The following DIP2A variants were observed in gnomAD, a reference collection of about 807,000 sequenced individuals.
DIP2A encodes the protein disco-interacting protein 2 homolog A.
A neutral mutation model predicts 177.4 loss-of-function variants in DIP2A; 85 were observed. The observed-to-expected ratio is 0.48, with a 90% confidence interval of 0.40 to 0.57. The LOEUF (loss-of-function observed/expected upper bound fraction) is 0.57, where lower values mean the gene tolerates loss of function less well. Among genes scored for constraint, DIP2A ranks in the 20% least tolerant of loss-of-function variants. The pLI, the probability that DIP2A is intolerant of heterozygous loss-of-function variation, is 0.00. For missense variants in DIP2A, 1,791 were observed against 2,100.2 expected, an observed-to-expected ratio of 0.85 and a Z score of 2.88; for synonymous variants, 886 against 881.8, an observed-to-expected ratio of 1.00 and a Z score of -0.08.
intron 23 of DIP2A, 71 bp downstream of exon 23, chr21:46,550,815 C>A: frequency 6.7e-7 from 1 of 1,503,658 alleles, no homozygotes; most frequent in South Asian, 1.2e-5. Flanking sequence ...GGTTAGGGTG[C>A]GGCCCTGCTA....
At chr21:46,508,017 G>A (rs958005033) in intron 6 of DIP2A, among the ~76,000 whole-genome samples, 1 of 150,840 alleles carries the variant, frequency 6.6e-6, no homozygotes, top group African/African-American at 2.4e-5. Context: ...GGATTACAGG[G>A]GTGAGCCACT....
Position 46,498,156 on chromosome 21 carries a change from T to C in DIP2A, c.404-426T>C, listed in dbSNP as rs1289752031. Among the ~76,000 whole-genome samples the C allele has an allele frequency of 6.6e-6, 1 of 152,196 alleles. No individual in the cohort carries two copies. The highest frequency in any genetic ancestry group is 1.5e-5 in the Non-Finnish European group (1 of 68,034). The stretch of plus-strand genomic sequence containing the variant: ...CAGGCCAGGATGCCTTCTCACTGCC[T>C]CCAAGATGTAGGGCCGGGCACAGGC... On this transcript the variant is annotated intron_variant, in intron 4 of 37. Transcript: ENST00000417564. The surrounding 1 kb of genome is among the most constrained non-coding windows in gnomAD (Gnocchi z 4.3).
intron 2 of DIP2A, among the ~76,000 whole-genome samples, chr21:46,487,758 AAGAC>A (rs2056778166): frequency 1.3e-5 from 2 of 152,242 alleles, no homozygotes; most frequent in Non-Finnish European, 2.9e-5. Context: ...TTTGGTAAGA[AAGAC>A]AGAACCTACG....
chr21:46,577,272 T>C, the DIP2A span, among the ~76,000 whole-genome samples: 1 of 152,220 alleles, frequency 6.6e-6, no homozygotes, highest in African/African-American at 2.4e-5. Context: ...GGGTTCTACA[T>C]TTAAGTCTTT....
chr21:46,520,065 G>A (rs187500080), intron 8 of DIP2A, among the ~76,000 whole-genome samples: 5 of 151,464 alleles, frequency 3.3e-5, no homozygotes, highest in South Asian at 4.2e-4. Flanking sequence ...TAGTAGAGAC[G>A]GGGTTTCACC....
intron 8 of DIP2A, among the ~76,000 whole-genome samples, chr21:46,519,261 A>C (rs2058715314): frequency 6.6e-6 from 1 of 152,158 alleles, no homozygotes; most frequent in Admixed American, 6.5e-5. Context: ...ATGCTGTTTT[A>C]TCAGTAAGGT....
intron 8 of DIP2A, among the ~76,000 whole-genome samples, chr21:46,523,356 T>A (rs1249212033): frequency 6.6e-6 from 1 of 151,000 alleles, no homozygotes; most frequent in African/African-American, 2.4e-5. Context: ...TGCCTCAACC[T>A]CCTGAGTAGC....
rs374294871 is a variant in DIP2A, at chr21:46,556,011, G to A, written c.3418G>A (p.Val1140Ile). 28 of 1,613,848 alleles carry A rather than the reference G, an allele frequency of 1.7e-5. No homozygotes were observed. Among genetic ancestry groups the A allele is most frequent in the South Asian group, 3.3e-5 (3 of 91,076 alleles). Reference protein sequence around the residue: ...DDIPKKKIASVFRPPSPDVLA... With the variant: ...DDIPKKKIASIFRPPSPDVLA... ...CATCCCAAAAAAGAAGATAGCAAGC[G>A]TTTTCAGGCCCCCCTCCCCCGATGT... is the stretch of plus-strand genomic sequence containing the variant. The change falls in exon 29 of 38, where the codon GTT (valine) becomes ATT (isoleucine). Residue 1140 changes from valine (V) to isoleucine (I), a missense_variant. Coordinates refer to ENST00000417564, the MANE Select transcript of DIP2A (RefSeq NM_015151.4). This position sits in a 1 kb window ranked among gnomAD's most constrained non-coding sequence, Gnocchi z 4.5.
intron 16 of DIP2A, 189 bp downstream of exon 16, chr21:46,538,791 G>A (rs976699322): frequency 8.4e-6 from 7 of 836,870 alleles, no homozygotes; most frequent in Non-Finnish European, 1.2e-5. Context: ...TGTTTATTAG[G>A]CCACTAAATT....
chr21:46,561,003 G>A (rs774485926), intron 33 of DIP2A: 5 of 985,330 alleles, frequency 5.1e-6, no homozygotes, highest in South Asian at 9.4e-5. Flanking sequence ...CACTCCGGGC[G>A]TGCCTCCCAG....
At chr21:46,485,771 A>G (rs567080029) in intron 2 of DIP2A, among the ~76,000 whole-genome samples, 81 of 152,082 alleles carry the variant, frequency 5.3e-4, no homozygotes, top group African/African-American at 1.9e-3. Context: ...TTGTAACACA[A>G]ATAAGAAGTA....
intron 8 of DIP2A, among the ~76,000 whole-genome samples, chr21:46,515,655 G>C (rs1352651570): frequency 6.6e-6 from 1 of 152,010 alleles, no homozygotes; most frequent in Non-Finnish European, 1.5e-5. Flanking sequence ...TCCCACCTCA[G>C]CCTCCCTTTT....
At chr21:46,573,645 CAAAAAAAAAAAAAAAAAAAAAAAAAAAA>C (rs201994694), downstream of DIP2A, among the ~76,000 whole-genome samples, 1 of 52,960 alleles carries the variant, frequency 1.9e-5, no homozygotes, top group African/African-American at 8.8e-5. Context: ...CCCTCTCTCA[CAAAAAAAAAAAAAAAAAAAAAAAAAAAA>C]AAAAAAAAAA....
At chr21:46,464,370 G>A (rs1236698961) in intron 1 of DIP2A, among the ~76,000 whole-genome samples, 1 of 152,060 alleles carries the variant, frequency 6.6e-6, no homozygotes, top group Non-Finnish European at 1.5e-5. Flanking sequence ...TCCAGCCTGG[G>A]CAACAAGAGC....
In DIP2A at chr21:46,538,475, C is replaced by G. The variant is rs1245234549; in HGVS notation, c.1802-8C>G. ...CGCAGGGATGTCTGTGCCATCCTCT[C>G]TCTGCAGCTCGGGCCGCGCTGGTGA... On this transcript the variant is annotated splice_polypyrimidine_tract_variant and splice_region_variant and intron_variant, in intron 15 of 37. Coordinates refer to ENST00000417564, the MANE Select transcript of DIP2A (RefSeq NM_015151.4). 4.5e-6 allele frequency: 7 copies of G among 1,542,906 alleles called. No homozygotes were observed. In the South Asian group the frequency reaches 5.9e-5, roughly 13 times the overall value.
chr21:46,478,504 G>A (rs932767667), intron 1 of DIP2A, among the ~76,000 whole-genome samples: 1 of 152,140 alleles, frequency 6.6e-6, no homozygotes, highest in African/African-American at 2.4e-5. Flanking sequence ...GAGCCACCAC[G>A]CCTGGCAAAA....
At position 46,530,996 on chromosome 21, in the gene DIP2A, G is replaced by C. The variant is rs62225685; in HGVS notation, c.1195-1131G>C. ...GAATAGTATAGCCATTTTCAGACAT[G>C]CAGGACTCAGAAACGTTTGGCTCGC... is the stretch of plus-strand genomic sequence containing the variant. On this transcript the variant is annotated intron_variant, in intron 9 of 37. Transcript: ENST00000417564. Among the ~76,000 whole-genome samples, 552 of 152,258 alleles carry C rather than the reference G, an allele frequency of 3.6e-3. 1 individual carries two copies. Among genetic ancestry groups the C allele is most frequent in the Non-Finnish European group, 7.0e-3 (479 of 68,020 alleles).
At position 46,568,591 on chromosome 21, in the gene DIP2A, A is replaced by C. The variant is rs926599685; in HGVS notation, c.*969A>C. The C allele has an allele frequency of 6.6e-6, 1 of 152,214 alleles. No individual in the cohort carries two copies. The highest frequency in any genetic ancestry group is 1.5e-5 in the Non-Finnish European group (1 of 68,042). The allele number at this position is 152,214 out of a possible 1,614,324, so 9.4% of individuals were successfully genotyped here. Reference sequence around the variant, plus strand: ...GGACACTCAATAAGTGCCATTTTGGACTGTCAAATTTAGATGCTTTGTTTC... The same window carrying C: ...GGACACTCAATAAGTGCCATTTTGGCCTGTCAAATTTAGATGCTTTGTTTC... On this transcript the variant is annotated 3_prime_UTR_variant, in exon 38 of 38. Transcript: ENST00000417564.
Position 46,539,963 on chromosome 21 carries a change from C to T in DIP2A, c.2008C>T (p.Pro670Ser). 3 of 1,614,032 alleles carry T rather than the reference C, an allele frequency of 1.9e-6. No homozygotes were observed. The highest frequency in any genetic ancestry group is 2.5e-6 in the Non-Finnish European group (3 of 1,179,882). The change falls in exon 17 of 38, where the codon CCT becomes TCT. Residue 670 changes from proline to serine, a missense_variant. Physicochemically the swap from Pro to Ser is moderately conservative, Grantham distance 74. Coordinates refer to ENST00000417564, the MANE Select transcript of DIP2A (RefSeq NM_015151.4). ...GGTCATCTGTCCTTGTGCAAGTTCT[C>T]CTGAGGCGCTGACTGTCGCCATCCG... Reference protein sequence around the residue: ...PEVICPCASSPEALTVAIRRP... With the variant: ...PEVICPCASSSEALTVAIRRP...
Sources: gnomAD v4.1 joint callset for allele counts (sites outside exome capture counted in the v4.1 genomes callset) on GRCh38, gnomAD v4.1.1 for gene constraint, Gnocchi (gnomAD v3.1) non-coding constraint, MANE v1.5 for transcripts, NCBI Gene and HGNC (gene_info 2026-07-23, HGNC 2026-07-21) for gene names.